Variants in TCERG1L observed in about 807,000 individuals in gnomAD.
TCERG1L encodes the protein transcription elongation regulator 1 like, also known as transcription elongation regulator 1-like protein.
In TCERG1L, 37 loss-of-function variants were observed where a neutral mutation model predicts 56.3. That is an observed-to-expected ratio of 0.66 (90% CI 0.51 to 0.87). The LOEUF (loss-of-function observed/expected upper bound fraction) is 0.87, where lower values mean the gene tolerates loss of function less well. Ranked by LOEUF, TCERG1L falls within the 40% of genes least tolerant of loss-of-function variation. The pLI is 0.00. For synonymous variants in TCERG1L, 324 were observed against 326.3 expected (o/e 0.99, Z 0.08); for missense variants, 799 against 774.2 (o/e 1.03, Z -0.38).
At chr10:131,095,051 C>T (rs968345746) in intron 11 of TCERG1L, among the ~76,000 whole-genome samples, 3 of 152,224 alleles carry the variant, frequency 2.0e-5, no homozygotes, top group African/African-American at 2.4e-5. Context: ...TGTGAACTCA[C>T]GAAGGTCAGC....
chr10:131,174,252 T>C (rs1318444616), intron 4 of TCERG1L, among the ~76,000 whole-genome samples: 2 of 152,174 alleles, frequency 1.3e-5, no homozygotes, highest in Non-Finnish European at 2.9e-5. Context: ...AGGAGGGTGG[T>C]GGCACCTCTG....
At chr10:131,280,463 TG>T in intron 3 of TCERG1L, among the ~76,000 whole-genome samples, 1 of 151,322 alleles carries the variant, frequency 6.6e-6, no homozygotes, top group African/African-American at 2.4e-5. Flanking sequence ...CAAAGGTAGA[TG>T]AGAGAGGAAT....
rs188354906 is a variant in TCERG1L, at chr10:131,140,356, C to A, written c.1190-5908G>T. Among the ~76,000 whole-genome samples, 135 of 152,292 alleles carry A rather than the reference C, an allele frequency of 8.9e-4. 1 individual carries two copies. The highest frequency in any genetic ancestry group is 2.9e-3 in the African/African-American group (122 of 41,564). ...GTGGCCCTGAGCTGTGTGCTCTGCC[C>A]TCTCTGATGGGGCCTCCTGCTCCGC... On this transcript the variant is annotated intron_variant, in intron 7 of 11. Coordinates refer to ENST00000368642, the MANE Select transcript of TCERG1L (RefSeq NM_174937.4).
chr10:131,116,538 G>A (rs536098119), intron 9 of TCERG1L, among the ~76,000 whole-genome samples: 2 of 152,208 alleles, frequency 1.3e-5, no homozygotes, highest in Admixed American at 6.5e-5. Flanking sequence ...GCTGCCCCTC[G>A]GCCTCCACTC....
chr10:131,116,301 G>A (rs1845458766), intron 9 of TCERG1L, among the ~76,000 whole-genome samples: 1 of 152,200 alleles, frequency 6.6e-6, no homozygotes, highest in Non-Finnish European at 1.5e-5. Context: ...CACTAGGTAG[G>A]ATGGATAGAT....
intron 8 of TCERG1L, among the ~76,000 whole-genome samples, chr10:131,117,169 C>G (rs532041360): frequency 2.0e-5 from 3 of 152,262 alleles, no homozygotes; most frequent in Non-Finnish European, 4.4e-5. Flanking sequence ...GCCCCGGGCC[C>G]GGCTGTGAGA....
chr10:131,291,584 A>G lies in TCERG1L; in HGVS notation c.670+16627T>C, dbSNP rs374850828. On this transcript the variant is annotated intron_variant, in intron 3 of 11. Transcript: ENST00000368642. ...TGGGACTACAGGCGCCCGCCAACAC[A>G]CCCGGCTAATTTTTTGTATTTTTAG... Among the ~76,000 whole-genome samples, 124 of 149,790 alleles carry G rather than the reference A, an allele frequency of 8.3e-4. 2 individuals carry two copies. The East Asian group carries it at 0.012, about 14-fold the overall frequency.
chr10:131,186,955 A>C (rs1221471213), intron 4 of TCERG1L, among the ~76,000 whole-genome samples: 1 of 152,240 alleles, frequency 6.6e-6, no homozygotes, highest in East Asian at 1.9e-4. Context: ...GAAGCTATGA[A>C]TCAGAGCTGC....
chr10:131,248,528 A>G (rs1213752998), intron 4 of TCERG1L, among the ~76,000 whole-genome samples: 1 of 152,050 alleles, frequency 6.6e-6, no homozygotes, highest in African/African-American at 2.4e-5. Context: ...ACCTTCCCGT[A>G]GCCTTGCCTC....
intron 7 of TCERG1L, among the ~76,000 whole-genome samples, chr10:131,142,609 T>C (rs1382779027): frequency 1.3e-5 from 2 of 152,182 alleles, no homozygotes; most frequent in Non-Finnish European, 2.9e-5. Flanking sequence ...CTGCAGCTGC[T>C]GCCTGGTGAG....
intron 4 of TCERG1L, among the ~76,000 whole-genome samples, chr10:131,181,246 C>T (rs929741666): frequency 3.3e-5 from 5 of 152,188 alleles, no homozygotes; most frequent in African/African-American, 1.2e-4. Context: ...CCAGGCTCAG[C>T]TAAGGCCCAC....
intron 6 of TCERG1L, 86 bp from the exon 7 acceptor site, chr10:131,146,746 C>G: frequency 1.4e-6 from 2 of 1,418,860 alleles, no homozygotes; most frequent in Non-Finnish European, 9.4e-7. Context: ...TGAAAAAGCC[C>G]CTCAGGACCG....
intron 4 of TCERG1L, among the ~76,000 whole-genome samples, chr10:131,180,057 C>T (rs1049027179): frequency 2.0e-5 from 3 of 152,204 alleles, no homozygotes; most frequent in African/African-American, 7.2e-5. Flanking sequence ...CAGACATGGT[C>T]TTCCTGGTCT....
At chr10:131,175,807 A>G (rs895678681) in intron 4 of TCERG1L, among the ~76,000 whole-genome samples, 2 of 152,162 alleles carry the variant, frequency 1.3e-5, no homozygotes, top group African/African-American at 2.4e-5. Context: ...GGCTAGATGG[A>G]GGAGGAGGAG....
At position 131,103,373 on chromosome 10, in the gene TCERG1L, T is replaced by C. The variant is rs569535104; in HGVS notation, c.1485+892A>G. On this transcript the variant is annotated intron_variant, in intron 10 of 11. Transcript: ENST00000368642. This position sits in a 1 kb window ranked among gnomAD's most constrained non-coding sequence, Gnocchi z 4.3. Reference sequence around the variant, plus strand: ...CAGGCAGTTGTTGGGCAGGTGTCCTTGCAGAAGTGCTTTTTGTGTGTATAA... The same window carrying C: ...CAGGCAGTTGTTGGGCAGGTGTCCTCGCAGAAGTGCTTTTTGTGTGTATAA... Among the ~76,000 whole-genome samples the C allele has an allele frequency of 1.3e-5, 2 of 152,334 alleles. No homozygotes were observed. The highest frequency in any genetic ancestry group is 3.9e-4 in the East Asian group (2 of 5,178).
At chr10:131,176,904 T>A (rs1291359478) in intron 4 of TCERG1L, among the ~76,000 whole-genome samples, 8 of 145,486 alleles carry the variant, frequency 5.5e-5, no homozygotes, top group East Asian at 2.2e-4. Context: ...ACAGACACAT[T>A]CACACACCAA....
chr10:131,092,922 T>A lies in TCERG1L; in HGVS notation c.*240A>T. 2 of 423,668 alleles carry A rather than the reference T, an allele frequency of 4.7e-6. No homozygotes were observed. The highest frequency in any genetic ancestry group is 8.4e-6 in the Non-Finnish European group (2 of 239,450). 26.2% of individuals were successfully genotyped at this position (423,668 alleles called of 1,614,324 possible). On this transcript the variant is annotated 3_prime_UTR_variant, in exon 12 of 12. Coordinates refer to ENST00000368642, the MANE Select transcript of TCERG1L (RefSeq NM_174937.4). ...GTATATTACAAGTAATTTGCATAAT[T>A]AAAACAATTAAGGGATCGACGTATC...
intron 4 of TCERG1L, among the ~76,000 whole-genome samples, chr10:131,167,247 G>A (rs1371809479): frequency 1.3e-5 from 2 of 152,208 alleles, no homozygotes; most frequent in African/African-American, 2.4e-5. Context: ...CCAAAAGTGG[G>A]AGGCCCGAGA....
chr10:131,194,456 T>C (rs573272818), intron 4 of TCERG1L, among the ~76,000 whole-genome samples: 2 of 152,198 alleles, frequency 1.3e-5, no homozygotes, highest in South Asian at 4.2e-4. Context: ...AGGGCCCTTT[T>C]GTCTAAGATA....
Sources: allele counts gnomAD v4.1 joint callset (sites outside exome capture counted in the v4.1 genomes callset), GRCh38; gene constraint gnomAD v4.1.1; non-coding constraint Gnocchi (gnomAD v3.1); transcripts MANE v1.5; gene names NCBI Gene and HGNC (gene_info 2026-07-23, HGNC 2026-07-21).